Variants in PDE10A observed in about 807,000 individuals in gnomAD.
The protein encoded by PDE10A is phosphodiesterase 10A, also known as cAMP and cAMP-inhibited cGMP 3',5'-cyclic phosphodiesterase 10A.
A neutral mutation model predicts 97.7 loss-of-function variants in PDE10A; 39 were observed. The ratio of observed to expected loss-of-function variants is 0.40; its 90% confidence interval spans 0.31 to 0.52. The LOEUF (loss-of-function observed/expected upper bound fraction) is 0.52. Ranked by LOEUF, PDE10A falls within the 20% of genes least tolerant of loss-of-function variation. The pLI is 0.56. For missense variants in PDE10A, 731 were observed against 1,047.8 expected, an observed-to-expected ratio of 0.70 and a Z score of 4.17; for synonymous variants, 371 against 376.8, an observed-to-expected ratio of 0.98 and a Z score of 0.18.
chr6:165,419,015 A>G (rs1413313046), intron 10 of PDE10A, among the ~76,000 whole-genome samples: 1 of 152,212 alleles, frequency 6.6e-6, no homozygotes, highest in Admixed American at 6.5e-5. Flanking sequence ...ATGCATCCAT[A>G]CTGCTGTGCT....
upstream of PDE10A, among the ~76,000 whole-genome samples, chr6:165,664,329 G>A (rs3008061): frequency 0.22 from 32,855 of 151,900 alleles, 4,688 homozygotes; most frequent in African/African-American, 0.4. Flanking sequence ...CTCACTAGTC[G>A]ATGCTTTCCC....
chr6:165,591,742 A>G (rs1786283487), intron 1 of PDE10A, among the ~76,000 whole-genome samples: 1 of 152,244 alleles, frequency 6.6e-6, no homozygotes, highest in African/African-American at 2.4e-5. Flanking sequence ...AGCCCAATAT[A>G]AATTAAGGAT....
intron 1 of PDE10A, among the ~76,000 whole-genome samples, chr6:165,695,586 A>T (rs1014193470): frequency 2.0e-5 from 3 of 152,042 alleles, no homozygotes; most frequent in Non-Finnish European, 4.4e-5. Flanking sequence ...AAAAGTTGGG[A>T]GTGGGGGAGA....
intron 13 of PDE10A, among the ~76,000 whole-genome samples, chr6:165,408,731 C>T (rs1027599740): frequency 6.6e-6 from 1 of 152,098 alleles, no homozygotes; most frequent in Non-Finnish European, 1.5e-5. Context: ...CAGTCTTCAT[C>T]AGACTGGAAG....
intron 1 of PDE10A, among the ~76,000 whole-genome samples, chr6:165,714,144 C>T (rs1039745322): frequency 1.8e-4 from 27 of 152,194 alleles, no homozygotes; most frequent in Non-Finnish European, 3.7e-4. Context: ...TCCCCTATTG[C>T]GTATCTGCAT....
chr6:165,409,164 C>CAAAAAAA (rs61455081), intron 13 of PDE10A, among the ~76,000 whole-genome samples: 2 of 108,134 alleles, frequency 1.8e-5, no homozygotes, highest in Non-Finnish European at 1.8e-5. Flanking sequence ...GACTCCATCT[C>CAAAAAAA]AAAAAAAAAA....
chr6:165,794,116 TAC>T (rs34393465), intron 1 of PDE10A, among the ~76,000 whole-genome samples: 83,080 of 150,446 alleles, frequency 0.55, 23,110 homozygotes, highest in Middle Eastern at 0.68. Context: ...TACGCAGGCA[TAC>T]ACACACACAC....
At chr6:165,944,391 T>C (rs1015950253) in intron 1 of PDE10A, among the ~76,000 whole-genome samples, 2 of 152,224 alleles carry the variant, frequency 1.3e-5, no homozygotes, top group Admixed American at 6.5e-5. Flanking sequence ...AACTCTTTGG[T>C]TCCCTTCCTC....
chr6:165,794,716 A>C (rs948599861), intron 1 of PDE10A, among the ~76,000 whole-genome samples: 2 of 151,666 alleles, frequency 1.3e-5, no homozygotes, highest in Non-Finnish European at 3.0e-5. Context: ...ACACAAAAAA[A>C]CCACTAGTTT....
At chr6:165,687,206 G>C (rs976396346) in intron 1 of PDE10A, among the ~76,000 whole-genome samples, 1 of 152,228 alleles carries the variant, frequency 6.6e-6, no homozygotes, top group African/African-American at 2.4e-5. Flanking sequence ...TGCCAGCCAC[G>C]TCACCACCAC....
At chr6:165,424,428 G>T (rs1788964495) in intron 10 of PDE10A, among the ~76,000 whole-genome samples, 1 of 152,114 alleles carries the variant, frequency 6.6e-6, no homozygotes, top group African/African-American at 2.4e-5. Flanking sequence ...AAAGAAAAGG[G>T]TGAATGAAAA....
At chr6:165,849,034 C>T (rs1487955783) in intron 1 of PDE10A, among the ~76,000 whole-genome samples, 1 of 152,194 alleles carries the variant, frequency 6.6e-6, no homozygotes, top group East Asian at 1.9e-4. Flanking sequence ...CAAATACCAC[C>T]GCCTTTATCC....
At position 165,327,387 on chromosome 6, in the gene PDE10A, T is replaced by A. The variant is rs1253225321; in HGVS notation, c.*5638A>T. The A allele has an allele frequency of 1.3e-5, 2 of 152,210 alleles. No homozygotes were observed. The highest frequency in any genetic ancestry group is 6.5e-5 in the Admixed American group (1 of 15,284). 9.4% of individuals were successfully genotyped at this position (152,210 alleles called of 1,614,324 possible). ...TTTCATGTATCATACATATATATAT[T>A]TTATGTGTATAATTACATATCAACA... On this transcript the variant is annotated 3_prime_UTR_variant, in exon 22 of 22. Transcript: ENST00000539869.
intron 1 of PDE10A, among the ~76,000 whole-genome samples, chr6:165,593,828 C>T (rs752806737): frequency 5.3e-5 from 8 of 152,042 alleles, no homozygotes; most frequent in Admixed American, 1.3e-4. Flanking sequence ...GTCAAAATTC[C>T]GAAGACTGAA....
At chr6:165,782,657 T>C (rs1249497600) in intron 1 of PDE10A, among the ~76,000 whole-genome samples, 2 of 152,236 alleles carry the variant, frequency 1.3e-5, no homozygotes, top group Admixed American at 6.5e-5. Flanking sequence ...CCTGGGTCCA[T>C]GTATAACGTA....
At chr6:165,839,993 C>G in intron 1 of PDE10A, among the ~76,000 whole-genome samples, 1 of 4,972 alleles carries the variant, frequency 2.0e-4, no homozygotes, top group South Asian at 4.9e-3. Context: ...CCATCTCCAA[C>G]TCCATCCCAT....
intron 2 of PDE10A, among the ~76,000 whole-genome samples, chr6:165,515,214 T>C (rs1781723140): frequency 6.6e-6 from 1 of 152,176 alleles, no homozygotes; most frequent in South Asian, 2.1e-4. Flanking sequence ...ATTCTAATGT[T>C]TCTAAAATGT....
At chr6:165,483,275 C>T (rs1033895331) in intron 2 of PDE10A, among the ~76,000 whole-genome samples, 2 of 152,134 alleles carry the variant, frequency 1.3e-5, no homozygotes, top group African/African-American at 4.8e-5. Context: ...ACTTAACATA[C>T]CAAAAATGGA....
chr6:165,944,989 AACTCATGGTGGCCCCTGTG>A (rs1486850735), intron 1 of PDE10A, among the ~76,000 whole-genome samples: 4 of 152,220 alleles, frequency 2.6e-5, no homozygotes, highest in Non-Finnish European at 5.9e-5. Context: ...TGTGGGAGCC[AACTCATGGTGGCCCCTGTG>A]ACCCCCATCT....
Sources: gnomAD v4.1 joint callset for allele counts (sites outside exome capture counted in the v4.1 genomes callset) on GRCh38, gnomAD v4.1.1 for gene constraint, MANE v1.5 for transcripts, NCBI Gene and HGNC (gene_info 2026-07-23, HGNC 2026-07-21) for gene names.